Variants in DSCAM observed in about 807,000 individuals in gnomAD.
DSCAM encodes cell adhesion molecule DSCAM.
Under a neutral mutation model 217.7 loss-of-function variants are expected in DSCAM, and 47 were observed. The ratio of observed to expected loss-of-function variants is 0.22; its 90% CI spans 0.17 to 0.28. DSCAM has a LOEUF of 0.28. Ranked by LOEUF, DSCAM falls within the 10% of genes least tolerant of loss-of-function variation. DSCAM has a pLI of 1.00. For synonymous variants in DSCAM, 1,056 were observed against 1,015.3 expected, an observed-to-expected ratio of 1.04 and a Z score of -0.76; for missense variants, 2,080 against 2,618.3, an observed-to-expected ratio of 0.79 and a Z score of 4.49.
At chr21:40,426,170 A>G (rs1171814878) in intron 3 of DSCAM, among the ~76,000 whole-genome samples, 1 of 152,234 alleles carries the variant, frequency 6.6e-6, no homozygotes, top group Non-Finnish European at 1.5e-5. Flanking sequence ...CACAATTGTC[A>G]GGGGCTTGTG....
chr21:40,417,991 C>T (rs1466662541), intron 3 of DSCAM, among the ~76,000 whole-genome samples: 1 of 152,148 alleles, frequency 6.6e-6, no homozygotes. Context: ...AGACCTAGTG[C>T]GTGGATACAC....
chr21:40,259,341 C>T (rs373910874), intron 11 of DSCAM, among the ~76,000 whole-genome samples: 97 of 152,056 alleles, frequency 6.4e-4, no homozygotes, highest in South Asian at 5.6e-3. Context: ...TGCCATAGGG[C>T]CTTTTCTCTG....
At chr21:40,749,911 T>C (rs945698532) in intron 1 of DSCAM, among the ~76,000 whole-genome samples, 25 of 151,862 alleles carry the variant, frequency 1.6e-4, no homozygotes. Flanking sequence ...TCCCCTCTAA[T>C]CCTTCATTGG....
chr21:40,477,294 A>G (rs1472148926), intron 3 of DSCAM, among the ~76,000 whole-genome samples: 1 of 152,192 alleles, frequency 6.6e-6, no homozygotes, highest in Non-Finnish European at 1.5e-5. Flanking sequence ...CTAACAAAAG[A>G]TAAGAACCAG....
chr21:40,391,782 G>A (rs2075136235), intron 3 of DSCAM, among the ~76,000 whole-genome samples: 1 of 152,184 alleles, frequency 6.6e-6, no homozygotes, highest in African/African-American at 2.4e-5. Flanking sequence ...ATTTCTCGTT[G>A]CAAAAATTAG....
chr21:40,479,137 CTAAG>C (rs1372976045), intron 3 of DSCAM, among the ~76,000 whole-genome samples: 1 of 152,122 alleles, frequency 6.6e-6, no homozygotes, highest in East Asian at 1.9e-4. Flanking sequence ...ATTTCAACGT[CTAAG>C]TAATCCTATA....
intron 1 of DSCAM, among the ~76,000 whole-genome samples, chr21:40,758,516 CA>C (rs3071030): frequency 7.8e-4 from 80 of 102,994 alleles, no homozygotes; most frequent in African/African-American, 7.7e-4. Context: ...GACTCTGTCT[CA>C]AAAAAAAAAA....
chr21:40,766,792 T>G (rs2123366092), intron 1 of DSCAM, among the ~76,000 whole-genome samples: 1 of 145,780 alleles, frequency 6.9e-6, no homozygotes, highest in Non-Finnish European at 1.5e-5. Flanking sequence ...CAGGTTCAAG[T>G]GATTCTCCTG....
chr21:40,591,968 C>G (rs947211877), intron 3 of DSCAM, among the ~76,000 whole-genome samples: 36 of 152,132 alleles, frequency 2.4e-4, no homozygotes, highest in African/African-American at 8.0e-4. Context: ...TTAGCCAGGA[C>G]TCTCCCCCAT....
intron 3 of DSCAM, among the ~76,000 whole-genome samples, chr21:40,455,963 A>G (rs985424353): frequency 1.3e-5 from 2 of 152,268 alleles, no homozygotes; most frequent in Admixed American, 6.5e-5. Flanking sequence ...TAAATGAGCT[A>G]AAAAGTATTA....
rs184880873 is a variant in DSCAM at position 40,722,593 on chromosome 21, G to C, written c.44-13822C>G. On this transcript the variant is annotated intron_variant, in intron 1 of 32. Transcript: ENST00000400454. Reference sequence around the variant, plus strand: ...TAAAAAATACTCCATTAATCCAAAAGAAGGCAAGAAAGAGAAAAATAAAGG... The same window carrying C: ...TAAAAAATACTCCATTAATCCAAAACAAGGCAAGAAAGAGAAAAATAAAGG... Among the ~76,000 whole-genome samples, 7 of 152,030 alleles carry C rather than the reference G, an allele frequency of 4.6e-5. No individual in the cohort carries two copies. In the East Asian group the frequency reaches 1.4e-3, roughly 29 times the overall value.
At position 40,276,116 on chromosome 21, in the gene DSCAM, G is replaced by A. The variant is rs368779464; in HGVS notation, c.2337C>T (p.Ser779=). Reference sequence around the variant, plus strand: ...TCTTACTTTTAACCGTGAGGTACATGGACTTGCTGACGTCTGCGCCCACAT... The same window carrying A: ...TCTTACTTTTAACCGTGAGGTACATAGACTTGCTGACGTCTGCGCCCACAT... ...SNDVGADVSK[S]MYLTVKIPAM... is the part of the protein sequence containing the mutation. The change falls in exon 11 of 33, where the codon TCC becomes TCT. Residue 779 remains serine, a synonymous_variant. Transcript: ENST00000400454. 1 of 1,598,408 alleles carries A rather than the reference G, an allele frequency of 6.3e-7. No homozygotes were observed. Among genetic ancestry groups the A allele is most frequent in the Non-Finnish European group, 8.5e-7 (1 of 1,173,866 alleles).
At chr21:40,297,242 C>T (rs1490933145) in intron 9 of DSCAM, among the ~76,000 whole-genome samples, 1 of 152,146 alleles carries the variant, frequency 6.6e-6, no homozygotes, top group Non-Finnish European at 1.5e-5. Flanking sequence ...CATGATTTCA[C>T]TTAAAACATA....
At chr21:40,064,869 A>G (rs1466053163) in intron 27 of DSCAM, among the ~76,000 whole-genome samples, 3 of 152,062 alleles carry the variant, frequency 2.0e-5, no homozygotes, top group Admixed American at 6.5e-5. Flanking sequence ...CCAAAGGGAG[A>G]GAGGAAAAAG....
At chr21:40,791,571 T>G (rs1356593183) in intron 1 of DSCAM, among the ~76,000 whole-genome samples, 1 of 152,158 alleles carries the variant, frequency 6.6e-6, no homozygotes, top group Non-Finnish European at 1.5e-5. Context: ...GGGAATGGCG[T>G]GAACCCAGGA....
At chr21:40,594,419 G>A (rs768861786) in intron 3 of DSCAM, among the ~76,000 whole-genome samples, 23 of 152,126 alleles carry the variant, frequency 1.5e-4, no homozygotes, top group Admixed American at 1.2e-3. Flanking sequence ...CTGGCCTGTC[G>A]TTTCAGGAAT....
At chr21:40,362,949 G>T (rs1415426565) in intron 4 of DSCAM, among the ~76,000 whole-genome samples, 1 of 152,116 alleles carries the variant, frequency 6.6e-6, no homozygotes, top group African/African-American at 2.4e-5. Context: ...CATCACTGCT[G>T]ATACTCAATT....
intron 1 of DSCAM, among the ~76,000 whole-genome samples, chr21:40,755,905 C>T (rs1488690634): frequency 6.6e-6 from 1 of 152,174 alleles, no homozygotes; most frequent in East Asian, 1.9e-4. Flanking sequence ...CTGGTGTTCG[C>T]CATGCAACTG....
chr21:40,360,356 T>C (rs376889218), intron 4 of DSCAM, among the ~76,000 whole-genome samples: 39 of 151,956 alleles, frequency 2.6e-4, no homozygotes, highest in Middle Eastern at 3.4e-3. Flanking sequence ...GGATGGTCTC[T>C]ATCTCCTGAC....
Sources: allele counts gnomAD v4.1 joint callset (sites outside exome capture counted in the v4.1 genomes callset), GRCh38; gene constraint gnomAD v4.1.1; transcripts MANE v1.5; gene names NCBI Gene and HGNC (gene_info 2026-07-23, HGNC 2026-07-21).